The following ANKS3 variants were observed in gnomAD, a reference collection of about 807,000 sequenced individuals.
ANKS3 encodes the protein ankyrin repeat and SAM domain-containing protein 3.
In ANKS3, 62 loss-of-function variants were observed where a neutral mutation model predicts 80.7. That is an observed-to-expected ratio of 0.77 (90% CI 0.63 to 0.95). The LOEUF (loss-of-function observed/expected upper bound fraction) is 0.95, where lower values mean the gene tolerates loss of function less well. ANKS3 is among the 40% of genes least tolerant of loss of function. The pLI, the probability that ANKS3 is intolerant of heterozygous loss-of-function variation, is 0.00. For missense variants in ANKS3, 1,150 were observed against 883.6 expected (o/e 1.30, Z -3.82); for synonymous variants, 489 against 355.3 (o/e 1.38, Z -4.23).
At chr16:4,728,856 G>C (rs2081486403) in intron 3 of ANKS3, among the ~76,000 whole-genome samples, 1 of 152,212 alleles carries the variant, frequency 6.6e-6, no homozygotes, top group South Asian at 2.1e-4. Context: ...CTCCTGTGGA[G>C]GGAGCGCAAC....
At chr16:4,704,256 G>T (rs2080071758) in intron 8 of ANKS3, among the ~76,000 whole-genome samples, 1 of 152,198 alleles carries the variant, frequency 6.6e-6, no homozygotes, top group African/African-American at 2.4e-5. Context: ...CTGGGGTCTA[G>T]AAGGGAATTC....
chr16:4,706,771 C>T (rs957401481), intron 7 of ANKS3, among the ~76,000 whole-genome samples: 1 of 152,008 alleles, frequency 6.6e-6, no homozygotes, highest in Non-Finnish European at 1.5e-5. Flanking sequence ...TAAGCTGGGG[C>T]AGAAATGAAG....
At chr16:4,724,164 T>C (rs574809230) in intron 6 of ANKS3, among the ~76,000 whole-genome samples, 7 of 152,340 alleles carry the variant, frequency 4.6e-5, no homozygotes, top group Admixed American at 1.3e-4. Context: ...CTGTTTATAA[T>C]TGCAAAATGT....
intron 9 of ANKS3, chr16:4,701,797 G>A (rs2079922194): frequency 4.0e-6 from 2 of 503,224 alleles, no homozygotes; most frequent in Non-Finnish European, 7.0e-6. Context: ...TATGGAAACA[G>A]CTGCTGCACG....
rs2081545072 is a variant in ANKS3 at position 4,730,146 on chromosome 16, A to C, written c.4T>G (p.Ser2Ala). M[S>A]ELSDEASEPE... is the part of the protein sequence containing the mutation. ...TCGCTGGCTTCATCGCTGAGCTCGGACATCACTGAGGAGGAAGGCCCAAGG... is the reference window on the plus strand; with the variant it reads ...TCGCTGGCTTCATCGCTGAGCTCGGCCATCACTGAGGAGGAAGGCCCAAGG... The change falls in exon 3 of 18, where the codon TCC (serine) becomes GCC (alanine). Residue 2 changes from serine (S) to alanine (A), a missense_variant. Transcript: ENST00000304283. 6.4e-7 allele frequency: 1 copy of C among 1,552,952 alleles called. No individual in the cohort carries two copies. The highest frequency in any genetic ancestry group is 8.7e-7 in the Non-Finnish European group (1 of 1,144,570).
At chr16:4,710,046 T>C (rs2080402448) in intron 7 of ANKS3, among the ~76,000 whole-genome samples, 1 of 151,960 alleles carries the variant, frequency 6.6e-6, no homozygotes, top group Non-Finnish European at 1.5e-5. Flanking sequence ...ACTACATGAC[T>C]ACATGATGTC....
At chr16:4,710,669 C>G (rs118188003) in intron 7 of ANKS3, among the ~76,000 whole-genome samples, 1,533 of 152,196 alleles carry the variant, frequency 0.01, 14 homozygotes, top group Non-Finnish European at 0.014. Context: ...GAGATTGGGT[C>G]ACTGGACTCC....
chr16:4,723,327 T>C (rs966717405), intron 6 of ANKS3, among the ~76,000 whole-genome samples: 1 of 152,258 alleles, frequency 6.6e-6, no homozygotes. Context: ...ATCTATTTTC[T>C]GTCTATGTAT....
At chr16:4,714,263 A>ACAGAAGGGCAGC (rs1314776674) in intron 6 of ANKS3, 77 bp from the exon 7 acceptor site, 33 of 1,574,342 alleles carry the variant, frequency 2.1e-5, no homozygotes, top group Non-Finnish European at 2.8e-5. Flanking sequence ...GGCTGGGAAG[A>ACAGAAGGGCAGC]CAGAAGGGCA....
Position 4,714,114 on chromosome 16 carries a change from T to G in ANKS3, c.646A>C (p.Lys216Gln). 6.2e-7 allele frequency: 1 copy of G among 1,614,146 alleles called. No individual in the cohort carries two copies. Among genetic ancestry groups the G allele is most frequent in the African/African-American group, 1.3e-5 (1 of 75,038 alleles). The change falls in exon 7 of 18, where the codon AAG (lysine) becomes CAG (glutamine). Residue 216 changes from lysine to glutamine, a missense_variant. Lys to Gln is a moderately conservative substitution (Grantham distance 53, BLOSUM62 1). Transcript: ENST00000304283. Reference sequence around the variant, plus strand: ...TAAGTGTCCATCAAGGCCACGATCTTCATGTGTCCGTACTGCTTGGCCAGC... The same window carrying G: ...TAAGTGTCCATCAAGGCCACGATCTGCATGTGTCCGTACTGCTTGGCCAGC... ...RMLAKQYGHM[K>Q]IVALMDTYSP...
Position 4,734,079 on chromosome 16 carries a change from G to A in ANKS3, c.-212C>T, listed in dbSNP as rs1054012711. The A allele has an allele frequency of 5.2e-6, 5 of 962,490 alleles. No homozygotes were observed. The highest frequency in any genetic ancestry group is 5.3e-4 in the Middle Eastern group (1 of 1,886). 59.6% of individuals were successfully genotyped at this position (962,490 alleles called of 1,614,324 possible). On this transcript the variant is annotated 5_prime_UTR_variant, in exon 1 of 18. Transcript: ENST00000304283. ...CAGTCACGCGGCGAGCAAGTGCAGC[G>A]CGGGACGCCCGAGCGCCGGGTCTAG...
intron 7 of ANKS3, among the ~76,000 whole-genome samples, chr16:4,711,167 G>A (rs1258138043): frequency 7.2e-6 from 1 of 139,752 alleles, no homozygotes; most frequent in South Asian, 2.3e-4. Flanking sequence ...GCAATGGCAC[G>A]ATCTCGGCTC....
intron 11 of ANKS3, chr16:4,700,123 G>C (rs1477660652): frequency 6.6e-6 from 1 of 152,502 alleles, no homozygotes; most frequent in African/African-American, 2.4e-5. Flanking sequence ...CAGCCAGGCC[G>C]GGCATGGCAC....
intron 16 of ANKS3, 79 bp downstream of exon 16, chr16:4,697,254 C>A (rs1381448212): frequency 1.3e-6 from 2 of 1,546,730 alleles, no homozygotes; most frequent in South Asian, 1.2e-5. Context: ...GACACAAACC[C>A]GCTTTCCCTG....
In ANKS3 at chr16:4,697,985, G is replaced by A. The variant is rs747441885; in HGVS notation, c.1802C>T (p.Pro601Leu). The A allele has an allele frequency of 1.1e-5, 17 of 1,594,356 alleles. No homozygotes were observed. Among genetic ancestry groups the A allele is most frequent in the Middle Eastern group, 1.7e-4 (1 of 5,978 alleles). The change falls in exon 15 of 18, where the codon CCC becomes CTC. Residue 601 changes from proline to leucine, a missense_variant. Transcript: ENST00000304283. ...CAGGCCACTGCTCTTACCAGCTGGGGGGACGGCTAGGCCCAGAGTGGCTGC... is the reference window on the plus strand; with the variant it reads ...CAGGCCACTGCTCTTACCAGCTGGGAGGACGGCTAGGCCCAGAGTGGCTGC... ...PGAATLGLAV[P>L]PADSKGWQAS...
rs150923043 is a variant in ANKS3, at chr16:4,708,333, G to A, written c.710-3080C>T. Among the ~76,000 whole-genome samples, 191 of 152,096 alleles carry A rather than the reference G, an allele frequency of 1.3e-3. 1 individual carries two copies. The highest frequency in any genetic ancestry group is 4.2e-3 in the African/African-American group (173 of 41,532). On this transcript the variant is annotated intron_variant, in intron 7 of 17. Coordinates refer to ENST00000304283, the MANE Select transcript of ANKS3 (RefSeq NM_133450.4). Reference sequence around the variant, plus strand: ...TCTATTAGACAACTCCTGGGTGAAGGAGAAAATATAAATAAAAATTACAGA... The same window carrying A: ...TCTATTAGACAACTCCTGGGTGAAGAAGAAAATATAAATAAAAATTACAGA...
chr16:4,707,281 C>CT (rs112926809), intron 7 of ANKS3, among the ~76,000 whole-genome samples: 63,851 of 135,874 alleles, frequency 0.47, 15,770 homozygotes, highest in East Asian at 0.67. Flanking sequence ...CGGAAGGACA[C>CT]TTTTTTTTTT....
At chr16:4,721,773 G>C (rs1002025921) in intron 6 of ANKS3, among the ~76,000 whole-genome samples, 73 of 150,990 alleles carry the variant, frequency 4.8e-4, no homozygotes, top group African/African-American at 1.7e-3. Context: ...CAAGTAGCTG[G>C]GATTACAGCG....
At chr16:4,724,711 C>T (rs2081269110) in intron 6 of ANKS3, 39 bp downstream of exon 6, 1 of 1,566,836 alleles carries the variant, frequency 6.4e-7, no homozygotes, top group Non-Finnish European at 8.8e-7. Context: ...TCCTCATTTG[C>T]CGTGACTACA....
Sources: allele counts gnomAD v4.1 joint callset (sites outside exome capture counted in the v4.1 genomes callset), GRCh38; gene constraint gnomAD v4.1.1; transcripts MANE v1.5; gene names NCBI Gene and HGNC (gene_info 2026-07-23, HGNC 2026-07-21).